C12orf42: variants seen among roughly 807,000 people sequenced by gnomAD.
C12orf42 encodes uncharacterized protein C12orf42.
In C12orf42, 25 loss-of-function variants were observed where a neutral mutation model predicts 21.6. The ratio of observed to expected loss-of-function variants is 1.16; its 90% confidence interval spans 0.84 to 1.62. The LOEUF (loss-of-function observed/expected upper bound fraction) is 1.62, where lower values mean the gene tolerates loss of function less well. C12orf42 is among the 40% of genes most tolerant of loss of function. C12orf42 has a pLI of 0.00. For synonymous variants in C12orf42, 174 were observed against 175.0 expected, an observed-to-expected ratio of 0.99 and a Z score of 0.05; for missense variants, 483 against 459.3, an observed-to-expected ratio of 1.05 and a Z score of -0.47.
chr12:103,429,330 C>G (rs1381511260), intron 2 of C12orf42, among the ~76,000 whole-genome samples: 8 of 152,112 alleles, frequency 5.3e-5, no homozygotes, highest in Non-Finnish European at 1.2e-4. Context: ...CAACAACAGA[C>G]AAACAGAGAG....
the C12orf42 span, among the ~76,000 whole-genome samples, chr12:103,086,587 A>C: frequency 6.6e-6 from 1 of 151,062 alleles, no homozygotes; most frequent in Non-Finnish European, 1.5e-5. Context: ...GATTGACTAA[A>C]TCTCTCCCTG....
In C12orf42 at chr12:103,356,474, G is replaced by A. The variant is rs1432395047; in HGVS notation, c.259+12413C>T. On this transcript the variant is annotated intron_variant, in intron 4 of 5. Coordinates refer to ENST00000548883, the MANE Select transcript of C12orf42 (RefSeq NM_198521.5). ...AGTCTTTGCTATTGTGAATAGTGCCGCAATAAACATACGTGTCCATGTGTC... is the reference window on the plus strand; with the variant it reads ...AGTCTTTGCTATTGTGAATAGTGCCACAATAAACATACGTGTCCATGTGTC... Among the ~76,000 whole-genome samples the A allele has an allele frequency of 3.3e-5, 5 of 151,978 alleles. No individual in the cohort carries two copies. In the East Asian group the frequency reaches 7.7e-4, roughly 24 times the overall value.
chr12:103,253,221 G>T (rs1055149380), intron 10 of C12orf42, among the ~76,000 whole-genome samples: 4 of 152,162 alleles, frequency 2.6e-5, no homozygotes, highest in Non-Finnish European at 2.9e-5. Context: ...TTATAGTACA[G>T]TTTGAAGTTA....
At chr12:103,181,399 T>C in the C12orf42 span, among the ~76,000 whole-genome samples, 14 of 152,320 alleles carry the variant, frequency 9.2e-5, no homozygotes, top group Admixed American at 3.9e-4. Context: ...ATCATAAGCA[T>C]ACCATAAATG....
At chr12:103,075,633 T>C in the C12orf42 span, among the ~76,000 whole-genome samples, 12 of 152,194 alleles carry the variant, frequency 7.9e-5, no homozygotes, top group South Asian at 1.9e-3. Flanking sequence ...TACTATTCCA[T>C]TGGAATTGTA....
At chr12:103,294,015 C>T (rs773853600) in intron 4 of C12orf42, among the ~76,000 whole-genome samples, 5 of 152,052 alleles carry the variant, frequency 3.3e-5, no homozygotes, top group Non-Finnish European at 7.4e-5. Context: ...CAGCACATAG[C>T]AGATGTTCAG....
intron 4 of C12orf42, among the ~76,000 whole-genome samples, chr12:103,365,868 G>A (rs1398806465): frequency 6.6e-6 from 1 of 152,024 alleles, no homozygotes; most frequent in African/African-American, 2.4e-5. Flanking sequence ...TCACAGATGG[G>A]CAGAATCAAT....
chr12:103,237,499 T>G (rs2033508039), downstream of C12orf42: 1 of 152,196 alleles, frequency 6.6e-6, no homozygotes, highest in Non-Finnish European at 1.5e-5. Context: ...ATGGGGTAGT[T>G]CAGAAGATCT....
chr12:103,256,099 TATATATATATATACACACAC>T (rs1172407822), intron 10 of C12orf42, among the ~76,000 whole-genome samples: 14 of 35,998 alleles, frequency 3.9e-4, no homozygotes, highest in African/African-American at 1.2e-3. Flanking sequence ...TATATATATA[TATATATATATATACACACAC>T]ACACACACAC....
chr12:103,509,330 C>A, the C12orf42 span, among the ~76,000 whole-genome samples: 1 of 152,028 alleles, frequency 6.6e-6, no homozygotes, highest in African/African-American at 2.4e-5. Context: ...CAATTGAGAG[C>A]CTCAAGGAAG....
At chr12:103,548,704 G>A in the C12orf42 span, 1 of 152,106 alleles carries the variant, frequency 6.6e-6, no homozygotes, top group Admixed American at 6.6e-5. Context: ...TAACATATGA[G>A]CATAACAGTC....
chr12:103,393,129 C>A (rs1380040608), intron 3 of C12orf42, among the ~76,000 whole-genome samples: 1 of 150,068 alleles, frequency 6.7e-6, no homozygotes, highest in Non-Finnish European at 1.5e-5. Context: ...TCTTGCATTG[C>A]TATAAAGAAA....
At chr12:103,115,996 G>A in the C12orf42 span, among the ~76,000 whole-genome samples, 1 of 152,196 alleles carries the variant, frequency 6.6e-6, no homozygotes, top group Non-Finnish European at 1.5e-5. Context: ...CTCTGATAAG[G>A]AGAGTCAAAT....
the C12orf42 span, among the ~76,000 whole-genome samples, chr12:103,197,776 T>A: frequency 6.6e-6 from 1 of 152,178 alleles, no homozygotes; most frequent in African/African-American, 2.4e-5. Context: ...GTTTGGTTTT[T>A]GTATGAGTTG....
the C12orf42 span, among the ~76,000 whole-genome samples, chr12:103,094,908 A>C: frequency 6.6e-6 from 1 of 152,220 alleles, no homozygotes; most frequent in African/African-American, 2.4e-5. Context: ...AGAAGCAATT[A>C]AAAATGCAAC....
the C12orf42 span, among the ~76,000 whole-genome samples, chr12:103,142,365 C>G: frequency 1.3e-5 from 2 of 152,282 alleles, no homozygotes; most frequent in African/African-American, 4.8e-5. Flanking sequence ...TTACAGATAA[C>G]CACTTAAAAA....
the C12orf42 span, among the ~76,000 whole-genome samples, chr12:103,201,793 C>T: frequency 2.0e-5 from 3 of 152,094 alleles, no homozygotes; most frequent in Non-Finnish European, 2.9e-5. Flanking sequence ...GGGCCAAATG[C>T]GTTGATGTTG....
At chr12:103,422,171 T>C (rs867651862) in intron 2 of C12orf42, among the ~76,000 whole-genome samples, 1 of 152,136 alleles carries the variant, frequency 6.6e-6, no homozygotes, top group Non-Finnish European at 1.5e-5. Context: ...TTAAATTCAC[T>C]GAAATGAATT....
the C12orf42 span, among the ~76,000 whole-genome samples, chr12:103,215,982 G>A: frequency 1.3e-5 from 2 of 152,190 alleles, no homozygotes; most frequent in African/African-American, 4.8e-5. Context: ...ATTCTCTCAT[G>A]TCATGCCAGC....
Sources: allele counts gnomAD v4.1 joint callset (sites outside exome capture counted in the v4.1 genomes callset), GRCh38; gene constraint gnomAD v4.1.1; transcripts MANE v1.5; gene names NCBI Gene and HGNC (gene_info 2026-07-23, HGNC 2026-07-21).